CRISPLD1: variants seen among roughly 807,000 people sequenced by gnomAD.
CRISPLD1 encodes the protein cysteine rich secretory protein LCCL domain containing 1.
A neutral mutation model predicts 77.5 loss-of-function variants in CRISPLD1; 60 were observed. The observed-to-expected ratio is 0.77, with a 90% CI of 0.63 to 0.96. The LOEUF (loss-of-function observed/expected upper bound fraction) is 0.96. CRISPLD1 is among the 40% of genes least tolerant of loss of function. CRISPLD1 has a pLI of 0.00. For missense variants in CRISPLD1, 623 were observed against 615.8 expected, an observed-to-expected ratio of 1.01 and a Z score of -0.12; for synonymous variants, 195 against 200.1, an observed-to-expected ratio of 0.97 and a Z score of 0.22.
intron 2 of CRISPLD1, among the ~76,000 whole-genome samples, chr8:75,004,831 A>T (rs1328762306): frequency 6.6e-6 from 1 of 152,176 alleles, no homozygotes; most frequent in East Asian, 1.9e-4. Context: ...TGTTCCTGAT[A>T]GCTGTGCAAA....
At position 75,032,179 on chromosome 8, in the gene CRISPLD1, T is replaced by C; in HGVS notation, c.1452-12T>C. On this transcript the variant is annotated splice_polypyrimidine_tract_variant and intron_variant, in intron 14 of 14. Coordinates refer to ENST00000262207, the MANE Select transcript of CRISPLD1 (RefSeq NM_031461.6). ...CATCAATATACTTTTCATATATTTT[T>C]TTTTTTTGCAGTTTACAGAATCCTC... The C allele has an allele frequency of 6.3e-7, 1 of 1,586,084 alleles. No homozygotes were observed. Among genetic ancestry groups the C allele is most frequent in the South Asian group, 1.1e-5 (1 of 88,168 alleles).
intron 12 of CRISPLD1, among the ~76,000 whole-genome samples, chr8:75,023,711 AGTTAT>A (rs1813181462): frequency 6.6e-6 from 1 of 152,062 alleles, no homozygotes; most frequent in African/African-American, 2.4e-5. Context: ...ATTATCATGT[AGTTAT>A]GTTAACAGTC....
chr8:74,999,747 G>T (rs1420580379), intron 2 of CRISPLD1, among the ~76,000 whole-genome samples: 1 of 150,738 alleles, frequency 6.6e-6, no homozygotes, highest in Non-Finnish European at 1.5e-5. Context: ...AACTATTAAG[G>T]CAGGAAAATG....
At position 74,992,471 on chromosome 8, in the gene CRISPLD1, A is replaced by G. The variant is rs141751081; in HGVS notation, c.258+6226A>G. On this transcript the variant is annotated intron_variant, in intron 2 of 14. Transcript: ENST00000262207. ...TTTAACATAGAGTCTCTAAAACATT[A>G]TAGATAAAGTTCAAAATAGTTTGCT... is the stretch of plus-strand genomic sequence containing the variant. 9.8e-3 allele frequency among the ~76,000 whole-genome samples: 1,486 copies of G among 152,302 alleles called. 27 individuals carry two copies. The highest frequency in any genetic ancestry group is 0.034 in the African/African-American group (1,396 of 41,558).
intron 2 of CRISPLD1, among the ~76,000 whole-genome samples, chr8:74,991,807 T>C (rs1349143132): frequency 6.6e-6 from 1 of 152,168 alleles, no homozygotes; most frequent in Non-Finnish European, 1.5e-5. Flanking sequence ...TGGACAGGTG[T>C]GAGCCACCAG....
At chr8:75,023,158 T>C (rs543113129) in intron 12 of CRISPLD1, among the ~76,000 whole-genome samples, 1 of 150,010 alleles carries the variant, frequency 6.7e-6, no homozygotes, top group East Asian at 2.0e-4. Flanking sequence ...CAGATTGGAA[T>C]ACAAACAAGC....
chr8:75,008,218 C>G (rs1812868533), intron 2 of CRISPLD1, among the ~76,000 whole-genome samples: 1 of 152,090 alleles, frequency 6.6e-6, no homozygotes, highest in Non-Finnish European at 1.5e-5. Context: ...TTGCACACCT[C>G]AAGTGTATAG....
At chr8:74,992,189 A>G (rs1812583059) in intron 2 of CRISPLD1, among the ~76,000 whole-genome samples, 1 of 152,190 alleles carries the variant, frequency 6.6e-6, no homozygotes, top group Non-Finnish European at 1.5e-5. Context: ...AGACAGAGAA[A>G]TTAAAATAAT....
intron 12 of CRISPLD1, among the ~76,000 whole-genome samples, chr8:75,024,926 G>A (rs1433061006): frequency 6.6e-6 from 1 of 152,116 alleles, no homozygotes; most frequent in Non-Finnish European, 1.5e-5. Flanking sequence ...TATTGCAATG[G>A]GAAGCCTACG....
rs151112468 is a variant in CRISPLD1 at position 75,025,641 on chromosome 8, C to T, written c.1320+20C>T. Reference sequence around the variant, plus strand: ...TCTGATGTAAGTATCCTAATTTATACAGCTGTCAACATTCATGTATATATA... The same window carrying T: ...TCTGATGTAAGTATCCTAATTTATATAGCTGTCAACATTCATGTATATATA... On this transcript the variant is annotated intron_variant, in intron 13 of 14. Transcript: ENST00000262207. 3.3e-3 allele frequency: 4,079 copies of T among 1,219,030 alleles called. 11 individuals carry two copies. Among genetic ancestry groups the T allele is most frequent in the Non-Finnish European group, 4.2e-3 (3,473 of 825,166 alleles). The allele number at this position is 1,219,030 out of a possible 1,614,324, so 75.5% of individuals were successfully genotyped here.
intron 2 of CRISPLD1, 137 bp downstream of exon 2, chr8:74,986,382 C>A (rs905619641): frequency 1.1e-6 from 1 of 887,230 alleles, no homozygotes; most frequent in Non-Finnish European, 1.7e-6. Context: ...TTTTCCTCTG[C>A]ATATTCGTTT....
At chr8:75,013,965 G>T in intron 4 of CRISPLD1, 22 bp from the exon 5 acceptor site, 1 of 1,525,688 alleles carries the variant, frequency 6.6e-7, no homozygotes. Context: ...CTTTTTCTGA[G>T]CCTTTCATTT....
intron 2 of CRISPLD1, among the ~76,000 whole-genome samples, chr8:74,993,439 A>G (rs1812603786): frequency 1.3e-5 from 2 of 152,198 alleles, no homozygotes; most frequent in Non-Finnish European, 2.9e-5. Context: ...AAAATAGCTT[A>G]TTTAATTTTC....
At chr8:75,027,312 A>C (rs1281401633) in intron 13 of CRISPLD1, among the ~76,000 whole-genome samples, 1 of 152,236 alleles carries the variant, frequency 6.6e-6, no homozygotes, top group Admixed American at 6.5e-5. Flanking sequence ...CTTGCACATA[A>C]GTATTTGTTG....
At chr8:75,008,934 G>A (rs1296372878) in intron 2 of CRISPLD1, among the ~76,000 whole-genome samples, 1 of 152,030 alleles carries the variant, frequency 6.6e-6, no homozygotes, top group Non-Finnish European at 1.5e-5. Context: ...AGAAATATAA[G>A]CAAACTTGAA....
chr8:75,031,484 CAATTT>C (rs1409779930), intron 14 of CRISPLD1, among the ~76,000 whole-genome samples: 1 of 151,690 alleles, frequency 6.6e-6, no homozygotes, highest in African/African-American at 2.4e-5. Context: ...TAAATATAAA[CAATTT>C]AATAAAGAGT....
chr8:75,002,820 C>G (rs1563394755), intron 2 of CRISPLD1, among the ~76,000 whole-genome samples: 1 of 152,170 alleles, frequency 6.6e-6, no homozygotes, highest in Non-Finnish European at 1.5e-5. Context: ...AGACATAGAA[C>G]TTGGCAGGAA....
At chr8:75,020,634 G>C (rs893064639) in intron 12 of CRISPLD1, among the ~76,000 whole-genome samples, 2 of 152,172 alleles carry the variant, frequency 1.3e-5, no homozygotes, top group Non-Finnish European at 2.9e-5. Context: ...TAAAGGCCCT[G>C]TCTCCAAGTT....
chr8:74,988,800 A>C (rs1563605687), intron 2 of CRISPLD1, among the ~76,000 whole-genome samples: 1 of 152,140 alleles, frequency 6.6e-6, no homozygotes. Context: ...ACACCACTGC[A>C]CTCCACCCTG....
Sources: allele counts gnomAD v4.1 joint callset (sites outside exome capture counted in the v4.1 genomes callset), GRCh38; gene constraint gnomAD v4.1.1; transcripts MANE v1.5; gene names NCBI Gene and HGNC (gene_info 2026-07-23, HGNC 2026-07-21).